Variants in MARCHF4 observed in about 807,000 individuals in gnomAD.
MARCHF4 encodes the protein membrane associated ring-CH-type finger 4.
A neutral mutation model predicts 43.9 loss-of-function variants in MARCHF4; 14 were observed. The ratio of observed to expected loss-of-function variants is 0.32; its 90% CI spans 0.21 to 0.50. The LOEUF (loss-of-function observed/expected upper bound fraction) is 0.50. MARCHF4 is among the 20% of genes least tolerant of loss of function. MARCHF4 has a pLI of 0.98. For missense variants in MARCHF4, 468 were observed against 536.7 expected, an observed-to-expected ratio of 0.87 and a Z score of 1.27; for synonymous variants, 226 against 213.3, an observed-to-expected ratio of 1.06 and a Z score of -0.52.
chr2:216,277,445 C>A (rs1356463407), intron 3 of MARCHF4, among the ~76,000 whole-genome samples: 4 of 152,166 alleles, frequency 2.6e-5, no homozygotes, highest in Non-Finnish European at 5.9e-5. Context: ...TTCAACTGTG[C>A]AAGACAGGTT....
At position 216,270,081 on chromosome 2, in the gene MARCHF4, A is replaced by ATT. The variant is rs143705045; in HGVS notation, c.865+7589_865+7590dup. Among the ~76,000 whole-genome samples, 849 of 148,674 alleles carry ATT rather than the reference A, an allele frequency of 5.7e-3. 7 individuals are homozygous for ATT. The highest frequency in any genetic ancestry group is 0.021 in the Admixed American group (313 of 14,908). On this transcript the variant is annotated intron_variant, in intron 3 of 3. Coordinates refer to ENST00000273067, the MANE Select transcript of MARCHF4 (RefSeq NM_020814.3). ...ACAGAAATCTAGGCATCCACCAGAA[A>ATT]TTTTTTTTTTTTTGAGACAGGTTTC...
At chr2:216,309,546 G>A (rs1691649195) in intron 1 of MARCHF4, among the ~76,000 whole-genome samples, 1 of 152,166 alleles carries the variant, frequency 6.6e-6, no homozygotes, top group African/African-American at 2.4e-5. Context: ...CCTACCCTGG[G>A]ACACAGTGAT....
chr2:216,336,741 T>TAAAAA (rs779932039), intron 1 of MARCHF4, among the ~76,000 whole-genome samples: 3 of 54,130 alleles, frequency 5.5e-5, no homozygotes, highest in East Asian at 1.1e-3. Flanking sequence ...GCAAATAGAT[T>TAAAAA]TAAAAAAAAA....
chr2:216,352,475 C>T (rs1274003742), intron 1 of MARCHF4, among the ~76,000 whole-genome samples: 2 of 152,220 alleles, frequency 1.3e-5, no homozygotes, highest in Non-Finnish European at 2.9e-5. Flanking sequence ...CTTTCCCTTC[C>T]TCCCAGGGGT....
intron 3 of MARCHF4, among the ~76,000 whole-genome samples, chr2:216,277,108 T>C (rs928385282): frequency 7.2e-5 from 11 of 152,164 alleles, no homozygotes; most frequent in Non-Finnish European, 1.6e-4. Flanking sequence ...GCATTCCTTT[T>C]CCATTCCCTG....
rs550753471 is a variant in MARCHF4, at chr2:216,323,244, G to A, written c.517-39515C>T. The stretch of plus-strand genomic sequence containing the variant: ...ATCCAAATGAGTGGGTAAGAATCTG[G>A]GCCCTGGAGTCCTTCAATCTGAAAT... On this transcript the variant is annotated intron_variant, in intron 1 of 3. Coordinates refer to ENST00000273067, the MANE Select transcript of MARCHF4 (RefSeq NM_020814.3). Among the ~76,000 whole-genome samples, 3 of 152,138 alleles carry A rather than the reference G, an allele frequency of 2.0e-5. No homozygotes were observed. In the East Asian group the frequency reaches 5.8e-4, roughly 29 times the overall value.
At position 216,272,633 on chromosome 2, in the gene MARCHF4, A is replaced by T. The variant is rs371875616; in HGVS notation, c.865+5039T>A. ...GCACAGTTGCTTTAAGCCTTTCCTC[A>T]TCTGTTAAATATGCATCCTAATGCT... is the stretch of plus-strand genomic sequence containing the variant. On this transcript the variant is annotated intron_variant, in intron 3 of 3. Transcript: ENST00000273067. Among the ~76,000 whole-genome samples the T allele has an allele frequency of 1.8e-3, 281 of 152,244 alleles. 8 individuals carry two copies. The South Asian group carries it at 0.057, about 31-fold the overall frequency.
At chr2:216,283,861 C>A (rs1691175957) in intron 1 of MARCHF4, 132 bp from the exon 2 acceptor site, 1 of 971,476 alleles carries the variant, frequency 1.0e-6, no homozygotes, top group African/African-American at 1.6e-5. Context: ...TTGGGGGCAC[C>A]AGACTCCATG....
intron 1 of MARCHF4, among the ~76,000 whole-genome samples, chr2:216,349,648 G>T (rs1692368519): frequency 6.6e-6 from 1 of 152,176 alleles, no homozygotes; most frequent in African/African-American, 2.4e-5. Context: ...TGATGGAAAA[G>T]AGGCCTCAGG....
chr2:216,265,039 G>A (rs763982058), intron 3 of MARCHF4, among the ~76,000 whole-genome samples: 2 of 152,174 alleles, frequency 1.3e-5, no homozygotes, highest in African/African-American at 2.4e-5. Flanking sequence ...CATCTGATAG[G>A]AGCAGGTGAC....
chr2:216,303,550 T>C (rs1255610147), intron 1 of MARCHF4: 1 of 152,312 alleles, frequency 6.6e-6, no homozygotes, highest in Admixed American at 6.5e-5. Context: ...GCCACTTGAC[T>C]GGGAGTGCAG....
chr2:216,356,667 C>G (rs546248197), intron 1 of MARCHF4, among the ~76,000 whole-genome samples: 6 of 152,266 alleles, frequency 3.9e-5, no homozygotes, highest in African/African-American at 9.6e-5. Context: ...AGCCTCTTCC[C>G]TTTTAAGTTA....
intron 1 of MARCHF4, among the ~76,000 whole-genome samples, chr2:216,311,074 T>G (rs1183934310): frequency 6.6e-6 from 1 of 152,198 alleles, no homozygotes; most frequent in Non-Finnish European, 1.5e-5. Flanking sequence ...CCTTATTATC[T>G]CTCCTCTAAT....
At chr2:216,298,675 A>G (rs1393338051) in intron 1 of MARCHF4, among the ~76,000 whole-genome samples, 1 of 152,246 alleles carries the variant, frequency 6.6e-6, no homozygotes, top group Non-Finnish European at 1.5e-5. Context: ...TATCTTAAAA[A>G]TATGTACAGA....
At chr2:216,354,357 A>G (rs1432373538) in intron 1 of MARCHF4, among the ~76,000 whole-genome samples, 1 of 151,594 alleles carries the variant, frequency 6.6e-6, no homozygotes, top group Non-Finnish European at 1.5e-5. Flanking sequence ...AACTGCCTTG[A>G]CTCCACCTAC....
chr2:216,314,160 A>T (rs868486287), intron 1 of MARCHF4, among the ~76,000 whole-genome samples: 1 of 152,212 alleles, frequency 6.6e-6, no homozygotes, highest in African/African-American at 2.4e-5. Context: ...TTCTAGATGG[A>T]TTTAGCATGC....
At chr2:216,369,682 G>A (rs1232782173) in intron 1 of MARCHF4, 63 bp downstream of exon 1, 28 of 1,349,774 alleles carry the variant, frequency 2.1e-5, no homozygotes, top group Non-Finnish European at 2.7e-5. Context: ...GCAAGCAGGC[G>A]AGTAGCAATC....
At chr2:216,332,390 T>TAAA (rs572537646) in intron 1 of MARCHF4, among the ~76,000 whole-genome samples, 1 of 94,556 alleles carries the variant, frequency 1.1e-5, no homozygotes, top group Non-Finnish European at 2.2e-5. Flanking sequence ...AGACTCTGTC[T>TAAA]AAAAAAAAAA....
intron 1 of MARCHF4, among the ~76,000 whole-genome samples, chr2:216,320,607 T>TTTTC (rs552086212): frequency 0.039 from 4,371 of 111,894 alleles, 142 homozygotes; most frequent in East Asian, 0.053. Context: ...TATAGCCTCT[T>TTTTC]TTTCTTTCTT....
Sources: gnomAD v4.1 joint callset for allele counts (sites outside exome capture counted in the v4.1 genomes callset) on GRCh38, gnomAD v4.1.1 for gene constraint, MANE v1.5 for transcripts, NCBI Gene and HGNC (gene_info 2026-07-23, HGNC 2026-07-21) for gene names.